The following ADAMTSL1 variants were observed in gnomAD, a reference collection of about 807,000 sequenced individuals.
ADAMTSL1 encodes ADAMTS like 1, also known as ADAMTS-like protein 1.
In ADAMTSL1, 126 loss-of-function variants were observed where a neutral mutation model predicts 201.8. The ratio of observed to expected loss-of-function variants is 0.62; its 90% CI spans 0.54 to 0.72. ADAMTSL1 has a LOEUF of 0.72. ADAMTSL1 is among the 30% of genes least tolerant of loss of function. The pLI is 0.00. For synonymous variants in ADAMTSL1, 1,121 were observed against 903.4 expected (o/e 1.24, Z -4.32); for missense variants, 2,679 against 2,277.8 (o/e 1.18, Z -3.59).
At chr9:18,906,621 A>T in intron 27 of ADAMTSL1, 71 bp from the exon 28 acceptor site, 1 of 1,266,096 alleles carries the variant, frequency 7.9e-7, no homozygotes, top group Non-Finnish European at 1.1e-6. Context: ...AGTTTGCAGC[A>T]CTATTTTCAC....
chr9:18,740,197 G>T (rs889292597), intron 15 of ADAMTSL1, among the ~76,000 whole-genome samples: 5 of 152,140 alleles, frequency 3.3e-5, no homozygotes, highest in African/African-American at 1.2e-4. Flanking sequence ...TCTCGGGACA[G>T]ACAGGAAAAG....
intron 1 of ADAMTSL1, among the ~76,000 whole-genome samples, chr9:17,928,803 A>G (rs753638521): frequency 2.0e-5 from 3 of 152,184 alleles, no homozygotes; most frequent in Non-Finnish European, 2.9e-5. Flanking sequence ...ACTATGTGAA[A>G]GGAGGTCAAA....
chr9:18,742,887 T>C lies in ADAMTSL1; in HGVS notation c.2007-10411T>C, dbSNP rs377084657. On this transcript the variant is annotated intron_variant, in intron 15 of 28. Transcript: ENST00000380548. ...ACACAACAATAGAGGACACCATTCA[T>C]GATGCGAGTAATTTCTTCTATGATC... 2.5e-4 allele frequency among the ~76,000 whole-genome samples: 38 copies of C among 152,146 alleles called. No individual in the cohort carries two copies. In the South Asian group the frequency reaches 7.5e-3, roughly 30 times the overall value.
chr9:18,613,314 A>G (rs1190025023), intron 4 of ADAMTSL1, among the ~76,000 whole-genome samples: 3 of 152,230 alleles, frequency 2.0e-5, no homozygotes, highest in African/African-American at 7.2e-5. Context: ...CACTTCCTCA[A>G]AGACCTAAAG....
At chr9:18,506,731 A>T (rs1304044432) in intron 2 of ADAMTSL1, among the ~76,000 whole-genome samples, 1 of 152,346 alleles carries the variant, frequency 6.6e-6, no homozygotes, top group African/African-American at 2.4e-5. Context: ...AATTATAAAC[A>T]TATAGAAGAT....
Position 17,979,526 on chromosome 9 carries a change from ATT to A in ADAMTSL1, c.87+72616_87+72617del, listed in dbSNP as rs35573329. On this transcript the variant is annotated intron_variant, in intron 1 of 29. Coordinates refer to the ADAMTSL1 transcript ENST00000680146. ...CATTCACTGTATTCCTCAGCCATGG[ATT>A]TTTTTTTTTTTATTTCTGTCTCTCT... is the stretch of plus-strand genomic sequence containing the variant. 8.6e-3 allele frequency among the ~76,000 whole-genome samples: 1,264 copies of A among 146,258 alleles called. 8 individuals carry two copies. The highest frequency in any genetic ancestry group is 0.019 in the African/African-American group (741 of 39,846).
chr9:18,447,356 G>A (rs1038041950), intron 2 of ADAMTSL1, among the ~76,000 whole-genome samples: 1 of 152,076 alleles, frequency 6.6e-6, no homozygotes, highest in East Asian at 1.9e-4. Flanking sequence ...TTTGGTGCTT[G>A]CTTTATTTTG....
At chr9:18,147,652 A>G (rs898573039) in intron 1 of ADAMTSL1, among the ~76,000 whole-genome samples, 1 of 152,166 alleles carries the variant, frequency 6.6e-6, no homozygotes, top group African/African-American at 2.4e-5. Flanking sequence ...AGAGTCTTGC[A>G]CACAGAATGG....
At position 18,193,293 on chromosome 9, in the gene ADAMTSL1, T is replaced by C. The variant is rs534085389; in HGVS notation, c.207+29312T>C. On this transcript the variant is annotated intron_variant, in intron 2 of 29. Coordinates refer to the ADAMTSL1 transcript ENST00000680146. ...TGGTGAGATCAACATAGAATGCAAG[T>C]TGACTAGGAATGGGGAAGAATCATA... Among the ~76,000 whole-genome samples the C allele has an allele frequency of 1.8e-3, 267 of 152,196 alleles. 2 individuals carry two copies. The highest frequency in any genetic ancestry group is 6.3e-3 in the African/African-American group (261 of 41,560).
chr9:18,749,159 T>C (rs1247351429), intron 15 of ADAMTSL1, among the ~76,000 whole-genome samples: 1 of 152,224 alleles, frequency 6.6e-6, no homozygotes, highest in Non-Finnish European at 1.5e-5. Flanking sequence ...TAAGGTCACA[T>C]TCTGAGGTAC....
intron 26 of ADAMTSL1, among the ~76,000 whole-genome samples, chr9:18,904,208 C>A (rs1830161649): frequency 6.6e-6 from 1 of 152,136 alleles, no homozygotes; most frequent in Non-Finnish European, 1.5e-5. Context: ...GTGGCTTACA[C>A]CTGGACTCCC....
In ADAMTSL1 at chr9:18,567,708, C is replaced by T. The variant is rs56236708; in HGVS notation, c.238-6322C>T. Among the ~76,000 whole-genome samples, 1,247 of 152,126 alleles carry T rather than the reference C, an allele frequency of 8.2e-3. 19 individuals are homozygous for T. The highest frequency in any genetic ancestry group is 0.029 in the African/African-American group (1,203 of 41,500). On this transcript the variant is annotated intron_variant, in intron 3 of 28. Transcript: ENST00000380548. ...GTCTAAAACTGTGGATAGTACCTAA[C>T]CCTATAGATACTAACACAAATATAT...
At chr9:18,573,256 A>G (rs1822456221) in intron 3 of ADAMTSL1, 1 of 154,640 alleles carries the variant, frequency 6.5e-6, no homozygotes, top group South Asian at 2.0e-4. Context: ...CCTTGTGCAT[A>G]TATTTGGCCA....
At chr9:18,858,869 A>C (rs1827031797) in intron 23 of ADAMTSL1, among the ~76,000 whole-genome samples, 1 of 152,232 alleles carries the variant, frequency 6.6e-6, no homozygotes, top group Non-Finnish European at 1.5e-5. Flanking sequence ...TAAGCCCTCT[A>C]ATATATGTGC....
intron 21 of ADAMTSL1, among the ~76,000 whole-genome samples, chr9:18,825,428 C>T (rs187976552): frequency 2.6e-5 from 4 of 152,302 alleles, no homozygotes; most frequent in Admixed American, 6.5e-5. Context: ...TCTACTGATA[C>T]TACCATTTCA....
intron 1 of ADAMTSL1, among the ~76,000 whole-genome samples, chr9:17,961,923 T>C (rs943933399): frequency 6.6e-6 from 1 of 152,152 alleles, no homozygotes; most frequent in African/African-American, 2.4e-5. Context: ...TAGACTAAAG[T>C]AGAATTCTCA....
intron 23 of ADAMTSL1, among the ~76,000 whole-genome samples, chr9:18,849,040 G>T (rs1826310715): frequency 6.6e-6 from 1 of 152,222 alleles, no homozygotes; most frequent in Non-Finnish European, 1.5e-5. Context: ...CAATGAGTCT[G>T]CCTTTCTCAT....
intron 5 of ADAMTSL1, among the ~76,000 whole-genome samples, chr9:18,627,501 G>A (rs1826466510): frequency 6.6e-6 from 1 of 152,150 alleles, no homozygotes; most frequent in African/African-American, 2.4e-5. Flanking sequence ...AGGTTTCACT[G>A]GGCTAAAAAC....
At chr9:18,757,293 A>G (rs1380955182) in intron 16 of ADAMTSL1, among the ~76,000 whole-genome samples, 2 of 151,548 alleles carry the variant, frequency 1.3e-5, no homozygotes, top group African/African-American at 4.9e-5. Flanking sequence ...AAATACACTC[A>G]TCATCATCCT....
Sources: allele counts gnomAD v4.1 joint callset (sites outside exome capture counted in the v4.1 genomes callset), GRCh38; gene constraint gnomAD v4.1.1; transcripts MANE v1.5; gene names NCBI Gene and HGNC (gene_info 2026-07-23, HGNC 2026-07-21).